Variants in HDAC9 observed in about 807,000 individuals in gnomAD.
The protein encoded by HDAC9 is MEF-2 interacting transcription repressor (MITR) protein.
A neutral mutation model predicts 139.4 loss-of-function variants in HDAC9; 41 were observed. The ratio of observed to expected loss-of-function variants is 0.29; its 90% CI spans 0.23 to 0.38. HDAC9 has a LOEUF of 0.38. Ranked by LOEUF, HDAC9 falls within the 10% of genes least tolerant of loss-of-function variation. HDAC9 has a pLI of 1.00. For missense variants in HDAC9, 1,147 were observed against 1,297.0 expected (o/e 0.88, Z 1.78); for synonymous variants, 517 against 476.2 (o/e 1.09, Z -1.12).
chr7:18,993,009 G>C (rs1441798438), intron 25 of HDAC9, among the ~76,000 whole-genome samples: 1 of 152,216 alleles, frequency 6.6e-6, no homozygotes, highest in Non-Finnish European at 1.5e-5. Flanking sequence ...GATGGCTGAA[G>C]TGGGAAGCCC....
intron 25 of HDAC9, among the ~76,000 whole-genome samples, chr7:18,980,746 C>T (rs972529895): frequency 0.012 from 283 of 24,530 alleles, no homozygotes; most frequent in African/African-American, 0.045. Context: ...CTTCTTCTTC[C>T]TTCTTCTTCT....
chr7:18,866,086 C>T (rs1798475756), intron 21 of HDAC9, among the ~76,000 whole-genome samples: 1 of 146,310 alleles, frequency 6.8e-6, no homozygotes, highest in South Asian at 2.3e-4. Flanking sequence ...TCACAGTGGC[C>T]TACGAGATGC....
At chr7:18,496,874 A>T (rs1586305272) in intron 2 of HDAC9, 1 of 152,348 alleles carries the variant, frequency 6.6e-6, no homozygotes, top group Middle Eastern at 3.4e-3. Context: ...ACTGTTTAGG[A>T]TGAAATAAAA....
At chr7:18,812,244 T>C (rs1433990418) in intron 17 of HDAC9, among the ~76,000 whole-genome samples, 1 of 151,954 alleles carries the variant, frequency 6.6e-6, no homozygotes, top group Non-Finnish European at 1.5e-5. Flanking sequence ...ATGTCTTTTA[T>C]ATTTGCTCAC....
At chr7:18,824,459 G>T (rs1222823927) in intron 17 of HDAC9, among the ~76,000 whole-genome samples, 6 of 152,174 alleles carry the variant, frequency 3.9e-5, no homozygotes, top group Admixed American at 3.9e-4. Flanking sequence ...GTGATTGATG[G>T]ATAAGCAAAC....
chr7:18,926,752 A>G (rs112262506), intron 22 of HDAC9, among the ~76,000 whole-genome samples: 3,826 of 152,258 alleles, frequency 0.025, 144 homozygotes, highest in African/African-American at 0.087. Flanking sequence ...AAATAATGGC[A>G]TTGAAGTATT....
chr7:18,534,402 C>T (rs1299303346), intron 2 of HDAC9, among the ~76,000 whole-genome samples: 1 of 152,012 alleles, frequency 6.6e-6, no homozygotes, highest in African/African-American at 2.4e-5. Flanking sequence ...AACAAATTAG[C>T]CAGGCATGGC....
At chr7:18,543,135 C>G (rs906872328) in intron 2 of HDAC9, 1 of 151,948 alleles carries the variant, frequency 6.6e-6, no homozygotes. Context: ...TTTGACAGAC[C>G]CTGTGTATTT....
At chr7:18,311,170 G>T (rs1006442654) in intron 1 of HDAC9, among the ~76,000 whole-genome samples, 27 of 151,810 alleles carry the variant, frequency 1.8e-4, no homozygotes, top group East Asian at 5.8e-4. Context: ...ACATTTAGAG[G>T]TCTTACACAG....
At chr7:18,501,002 C>T (rs1370985490) in intron 2 of HDAC9, among the ~76,000 whole-genome samples, 1 of 151,428 alleles carries the variant, frequency 6.6e-6, no homozygotes, top group Non-Finnish European at 1.5e-5. Context: ...AAAATCTTTA[C>T]ACATAAAGAT....
intron 1 of HDAC9, among the ~76,000 whole-genome samples, chr7:18,393,458 TCTC>T (rs1325859151): frequency 2.0e-5 from 3 of 152,148 alleles, no homozygotes; most frequent in Non-Finnish European, 4.4e-5. Flanking sequence ...CAGGCATGCT[TCTC>T]CTACTATTTT....
At position 18,423,418 on chromosome 7, in the gene HDAC9, G is replaced by T. The variant is rs189371994; in HGVS notation, c.-41-72844G>T. ...GGTATTAGAAATACCATCAAGACAG[G>T]GCTTTATTCATAAAATATTACAAGA... is the stretch of plus-strand genomic sequence containing the variant. On this transcript the variant is annotated intron_variant, in intron 1 of 3. Transcript: ENST00000413509. Among the ~76,000 whole-genome samples the T allele has an allele frequency of 2.6e-3, 402 of 152,078 alleles. 1 individual carries two copies. The highest frequency in any genetic ancestry group is 9.0e-3 in the African/African-American group (374 of 41,458).
chr7:18,654,368 C>G (rs537543465), intron 11 of HDAC9, among the ~76,000 whole-genome samples: 1 of 152,180 alleles, frequency 6.6e-6, no homozygotes, highest in East Asian at 1.9e-4. Context: ...CCATAGATAC[C>G]TTAGGGTAGG....
At chr7:18,572,102 G>C (rs1057151404) in intron 2 of HDAC9, among the ~76,000 whole-genome samples, 1 of 151,840 alleles carries the variant, frequency 6.6e-6, no homozygotes, top group African/African-American at 2.4e-5. Context: ...AATGTTGTTA[G>C]AGAAGGATAT....
chr7:18,274,020 A>C (rs1477627675), intron 2 of HDAC9, among the ~76,000 whole-genome samples: 1 of 152,202 alleles, frequency 6.6e-6, no homozygotes, highest in Non-Finnish European at 1.5e-5. Context: ...AATTTCACCT[A>C]TATATGTAGT....
intron 24 of HDAC9, among the ~76,000 whole-genome samples, chr7:18,966,984 T>C (rs1783899220): frequency 6.6e-6 from 1 of 152,186 alleles, no homozygotes; most frequent in Non-Finnish European, 1.5e-5. Flanking sequence ...TAAAAATGAG[T>C]GCTCTACTTC....
chr7:18,688,544 A>G (rs1425204571), intron 12 of HDAC9, among the ~76,000 whole-genome samples: 4 of 151,742 alleles, frequency 2.6e-5, no homozygotes, highest in Non-Finnish European at 4.4e-5. Context: ...AATAGTTTTC[A>G]TTTTCCAATT....
intron 2 of HDAC9, among the ~76,000 whole-genome samples, chr7:18,249,481 C>T (rs376347144): frequency 3.9e-5 from 5 of 128,560 alleles, no homozygotes; most frequent in South Asian, 2.5e-4. Context: ...CCAGCCTGAG[C>T]GACAGAGCAA....
chr7:18,388,380 A>G (rs1025329800), intron 1 of HDAC9, among the ~76,000 whole-genome samples: 3 of 152,194 alleles, frequency 2.0e-5, no homozygotes, highest in Admixed American at 1.3e-4. Flanking sequence ...CATCCCTTCC[A>G]TGTAAGTCTG....
Sources: allele counts gnomAD v4.1 joint callset (sites outside exome capture counted in the v4.1 genomes callset), GRCh38; gene constraint gnomAD v4.1.1; transcripts MANE v1.5; gene names NCBI Gene and HGNC (gene_info 2026-07-23, HGNC 2026-07-21).